MKLN1: variants seen among roughly 807,000 people sequenced by gnomAD.
MKLN1 encodes muskelin.
In MKLN1, 18 loss-of-function variants were observed where a neutral mutation model predicts 99.0. The observed-to-expected ratio is 0.18, with a 90% CI of 0.13 to 0.27. MKLN1 has a LOEUF of 0.27. MKLN1 is among the 10% of genes least tolerant of loss of function. The pLI is 1.00. For missense variants in MKLN1, 621 were observed against 875.9 expected, an observed-to-expected ratio of 0.71 and a Z score of 3.67; for synonymous variants, 288 against 293.2, an observed-to-expected ratio of 0.98 and a Z score of 0.18.
intron 1 of MKLN1, among the ~76,000 whole-genome samples, chr7:131,333,140 T>C (rs751622518): frequency 5.3e-5 from 8 of 152,142 alleles, no homozygotes; most frequent in Non-Finnish European, 5.9e-5. Flanking sequence ...GCCAGGCTGG[T>C]CTTGAATTCC....
chr7:131,241,666 A>T (rs969231237), intron 3 of MKLN1, among the ~76,000 whole-genome samples: 13 of 152,200 alleles, frequency 8.5e-5, no homozygotes, highest in African/African-American at 3.1e-4. Flanking sequence ...ACAAAGCAAA[A>T]CAAAAACAAA....
chr7:131,134,765 G>C (rs1314171398), intron 1 of MKLN1, among the ~76,000 whole-genome samples: 1 of 152,104 alleles, frequency 6.6e-6, no homozygotes, highest in Non-Finnish European at 1.5e-5. Context: ...GACTATTACA[G>C]TAGTCTTCTA....
At chr7:131,209,595 A>G (rs11767220) in intron 3 of MKLN1, among the ~76,000 whole-genome samples, 27,832 of 152,212 alleles carry the variant, frequency 0.18, 2,995 homozygotes, top group Non-Finnish European at 0.25. Context: ...CAAGAAGTGT[A>G]GAAGACTCTG....
chr7:131,349,671 A>C (rs1799663356), intron 1 of MKLN1, among the ~76,000 whole-genome samples: 2 of 152,216 alleles, frequency 1.3e-5, no homozygotes, highest in South Asian at 4.1e-4. Context: ...TTAATTTCTG[A>C]AAAGATTGAT....
intron 3 of MKLN1, among the ~76,000 whole-genome samples, chr7:131,278,347 ATT>A (rs1354212897): frequency 6.6e-6 from 1 of 151,722 alleles, no homozygotes; most frequent in Admixed American, 6.6e-5. Context: ...CACCTTATTT[ATT>A]TTTTATTGTT....
chr7:131,294,628 T>C (rs1394084759), intron 3 of MKLN1, among the ~76,000 whole-genome samples: 1 of 152,192 alleles, frequency 6.6e-6, no homozygotes, highest in African/African-American at 2.4e-5. Context: ...TGTGGAGAGC[T>C]AGGGCTGAGG....
At chr7:131,242,591 A>G (rs1797421226) in intron 3 of MKLN1, 3 of 476,682 alleles carry the variant, frequency 6.3e-6, no homozygotes, top group Non-Finnish European at 1.2e-5. Context: ...TTGCTGCTGA[A>G]ATGGGCAAGT....
chr7:131,477,627 TCCC>T (rs1797005069), intron 16 of MKLN1, among the ~76,000 whole-genome samples: 1 of 152,184 alleles, frequency 6.6e-6, no homozygotes, highest in African/African-American at 2.4e-5. Flanking sequence ...TTTCTTTTTA[TCCC>T]CCCTTTTCAT....
At chr7:131,312,539 C>T (rs114237839) in intron 3 of MKLN1, among the ~76,000 whole-genome samples, 1,949 of 152,206 alleles carry the variant, frequency 0.013, 50 homozygotes, top group African/African-American at 0.044. Context: ...TAATCTTATA[C>T]AAACCTTTTA....
At chr7:131,133,353 C>CTTTTTTTTTTTTTTTTT (rs1198245681) in intron 1 of MKLN1, among the ~76,000 whole-genome samples, 2 of 93,634 alleles carry the variant, frequency 2.1e-5, no homozygotes, top group Non-Finnish European at 3.9e-5. Context: ...TTCTTTCTTT[C>CTTTTTTTTTTTTTTTTT]TTTTTTTTTT....
chr7:131,478,616 T>TTTTTTA lies in MKLN1; in HGVS notation c.2032-7_2032-6insTTTTTA. The TTTTTTA allele has an allele frequency of 7.1e-7, 1 of 1,411,346 alleles. No homozygotes were observed. Among genetic ancestry groups the TTTTTTA allele is most frequent in the Non-Finnish European group, 9.2e-7 (1 of 1,084,380 alleles). 87.4% of individuals were successfully genotyped at this position (1,411,346 alleles called of 1,614,324 possible). ...GCTTCTTTTTTTTTTTTTTTTTTTT[T>TTTTTTA]AAACAGTTTCAGCTCCTGGCATCAG... On this transcript the variant is annotated splice_region_variant and splice_polypyrimidine_tract_variant and intron_variant, in intron 16 of 17. Coordinates refer to ENST00000352689, the MANE Select transcript of MKLN1 (RefSeq NM_013255.5).
chr7:131,353,393 G>T (rs1799776902), intron 1 of MKLN1, among the ~76,000 whole-genome samples: 1 of 151,890 alleles, frequency 6.6e-6, no homozygotes, highest in South Asian at 2.1e-4. Flanking sequence ...CTGTATAACT[G>T]CTTACTGGAA....
intron 3 of MKLN1, among the ~76,000 whole-genome samples, chr7:131,266,173 C>CA (rs35332093): frequency 0.085 from 7,336 of 86,392 alleles, 267 homozygotes; most frequent in South Asian, 0.17. Context: ...GACTGCATCT[C>CA]AAAAAAAAAA....
At chr7:131,210,296 C>G (rs1353402556) in intron 3 of MKLN1, among the ~76,000 whole-genome samples, 1 of 151,842 alleles carries the variant, frequency 6.6e-6, no homozygotes, top group Non-Finnish European at 1.5e-5. Context: ...TTTGGGAGGC[C>G]GAGGAGGGTG....
chr7:131,309,163 A>G (rs1320212387), intron 3 of MKLN1, among the ~76,000 whole-genome samples: 1 of 152,236 alleles, frequency 6.6e-6, no homozygotes, highest in Non-Finnish European at 1.5e-5. Context: ...CATGTCCTGT[A>G]GACAAAGGAG....
At chr7:131,476,908 A>G (rs542149434) in intron 16 of MKLN1, among the ~76,000 whole-genome samples, 1 of 152,364 alleles carries the variant, frequency 6.6e-6, no homozygotes, top group Non-Finnish European at 1.5e-5. Context: ...AGTACAACAG[A>G]ATAGAGTCCA....
intron 3 of MKLN1, among the ~76,000 whole-genome samples, chr7:131,302,808 T>A (rs990463013): frequency 2.6e-5 from 4 of 152,234 alleles, no homozygotes; most frequent in Admixed American, 6.5e-5. Flanking sequence ...CAGTAACTTA[T>A]AATTTAAGAA....
At position 131,154,493 on chromosome 7, in the gene MKLN1, T is replaced by G. The variant is rs140827774; in HGVS notation, c.-297+11552T>G. Among the ~76,000 whole-genome samples, 1,141 of 152,264 alleles carry G rather than the reference T, an allele frequency of 7.5e-3. 17 individuals are homozygous for G. Among genetic ancestry groups the G allele is most frequent in the African/African-American group, 0.026 (1,065 of 41,538 alleles). ...TGGAGGAGGTTAGGCAGAAATCCTG[T>G]GGTCCTGAATTTGAATTGAGAGTTG... On this transcript the variant is annotated intron_variant, in intron 2 of 7. Transcript: ENST00000416992.
At position 131,463,278 on chromosome 7, in the gene MKLN1, C is replaced by G. The variant is rs1207164331; in HGVS notation, c.1587C>G (p.Val529=). 35 of 1,611,800 alleles carry G rather than the reference C, an allele frequency of 2.2e-5. No individual in the cohort carries two copies. The highest frequency in any genetic ancestry group is 2.8e-5 in the Non-Finnish European group (33 of 1,178,782). ...ATCCAGAACTGAATGAAATACACGT[C>G]TTATCTGGACTCAGCAAAGATAAGG... ...TIDPELNEIH[V]LSGLSKDKEK... is the part of the protein sequence containing the mutation. The change falls in exon 13 of 18, where the codon GTC becomes GTG. Residue 529 remains valine, a synonymous_variant. Transcript: ENST00000352689.
Sources: gnomAD v4.1 joint callset for allele counts (sites outside exome capture counted in the v4.1 genomes callset) on GRCh38, gnomAD v4.1.1 for gene constraint, MANE v1.5 for transcripts, NCBI Gene and HGNC (gene_info 2026-07-23, HGNC 2026-07-21) for gene names.